Variants in PTPRB observed in about 807,000 individuals in gnomAD.
PTPRB encodes protein tyrosine phosphatase receptor type B.
Under a neutral mutation model 238.1 loss-of-function variants are expected in PTPRB, and 97 were observed. The ratio of observed to expected loss-of-function variants is 0.41; its 90% CI spans 0.35 to 0.48. PTPRB has a LOEUF of 0.48. Among genes scored for constraint, PTPRB ranks in the 20% least tolerant of loss-of-function variants. PTPRB has a pLI of 0.30. For missense variants in PTPRB, 2,292 were observed against 2,681.9 expected, an observed-to-expected ratio of 0.85 and a Z score of 3.21; for synonymous variants, 970 against 995.4, an observed-to-expected ratio of 0.97 and a Z score of 0.48.
chr12:70,518,983 G>T lies in PTPRB; in HGVS notation c.*2506C>A, dbSNP rs1465840979. ...TAAATCCAATAGAGCTGAATGTCAAGGAAAACTTTTTTTTTCTCCTAAATT... is the reference window on the plus strand; with the variant it reads ...TAAATCCAATAGAGCTGAATGTCAATGAAAACTTTTTTTTTCTCCTAAATT... On this transcript the variant is annotated 3_prime_UTR_variant, in exon 34 of 34. Coordinates refer to ENST00000334414, the MANE Select transcript of PTPRB (RefSeq NM_001109754.4). 6.6e-6 allele frequency: 1 copy of T among 151,704 alleles called. No homozygotes were observed. The highest frequency in any genetic ancestry group is 1.5e-5 in the Non-Finnish European group (1 of 67,956). 9.4% of individuals were successfully genotyped at this position (151,704 alleles called of 1,614,324 possible). A position where few individuals can be genotyped will look rare whatever the true frequency, so the allele number is the denominator to read the frequency against.
Position 70,608,912 on chromosome 12 carries a change from GATCCGAGGAAACCAGACATTTCTGTCAAT to G in PTPRB, c.979+128_979+156del. 4.6e-6 allele frequency: 5 copies of G among 1,084,224 alleles called. No individual in the cohort carries two copies. In the South Asian group the frequency reaches 8.2e-5, roughly 18 times the overall value. The allele number at this position is 1,084,224 out of a possible 1,614,324, so 67.2% of individuals were successfully genotyped here. On this transcript the variant is annotated intron_variant, in intron 4 of 33. Coordinates refer to ENST00000334414, the MANE Select transcript of PTPRB (RefSeq NM_001109754.4). The stretch of plus-strand genomic sequence containing the variant: ...AAGTCCACCAAGCTGCTTCTGGCTA[GATCCGAGGAAACCAGACATTTCTGTCAAT>G]ATTTATCTTCACAGGTATTTTTACC...
chr12:70,563,201 A>G, intron 15 of PTPRB, 94 bp from the exon 16 acceptor site: 2 of 1,196,388 alleles, frequency 1.7e-6, no homozygotes, highest in Non-Finnish European at 2.3e-6. Context: ...AGAAAGAGGA[A>G]GTTGGATTCA....
chr12:70,527,581 G>C (rs370347748), intron 32 of PTPRB: 1 of 152,160 alleles, frequency 6.6e-6, no homozygotes, highest in South Asian at 2.1e-4. Context: ...CTCCCTTAAT[G>C]TGTCTCTCAG....
At position 70,596,407 on chromosome 12, in the gene PTPRB, T is replaced by G. The variant is rs1007632580; in HGVS notation, c.980-80A>C. The G allele has an allele frequency of 1.5e-5, 19 of 1,265,328 alleles. No individual in the cohort carries two copies. The African/African-American group carries it at 2.7e-4, about 18-fold the overall frequency. The allele number at this position is 1,265,328 out of a possible 1,614,324, so 78.4% of individuals were successfully genotyped here. A position where few individuals can be genotyped will look rare whatever the true frequency, so the allele number is the denominator to read the frequency against. Reference sequence around the variant, plus strand: ...AAAAAGAACATGGCTTGAAGACTTTTGCAAATAACTGCTTATTTTACTGCA... The same window carrying G: ...AAAAAGAACATGGCTTGAAGACTTTGGCAAATAACTGCTTATTTTACTGCA... On this transcript the variant is annotated intron_variant, in intron 4 of 33. Coordinates refer to ENST00000334414, the MANE Select transcript of PTPRB (RefSeq NM_001109754.4).
intron 18 of PTPRB, among the ~76,000 whole-genome samples, chr12:70,557,353 C>T (rs1178352122): frequency 2.6e-5 from 4 of 152,134 alleles, no homozygotes; most frequent in African/African-American, 9.7e-5. Context: ...TTACCCATAG[C>T]CTCACCCGAT....
chr12:70,583,662 C>A (rs1242814459), intron 9 of PTPRB, among the ~76,000 whole-genome samples: 1 of 152,130 alleles, frequency 6.6e-6, no homozygotes, highest in Non-Finnish European at 1.5e-5. Context: ...TCTGAGAACT[C>A]ATAACCTTAA....
rs1170649760 is a variant in PTPRB at position 70,588,109 on chromosome 12, AAAAAG to A, written c.2051-847_2051-843del. On this transcript the variant is annotated intron_variant, in intron 8 of 33. Coordinates refer to ENST00000334414, the MANE Select transcript of PTPRB (RefSeq NM_001109754.4). ...AGACTCTGTCTCAAAAAAAAAAAAA[AAAAAG>A]AAAAGAAAAGAAAAGAAAAGAATAA... 5.4e-3 allele frequency among the ~76,000 whole-genome samples: 734 copies of A among 137,010 alleles called. 3 individuals are homozygous for A. Among genetic ancestry groups the A allele is most frequent in the African/African-American group, 0.016 (608 of 37,812 alleles). 89.9% of individuals were successfully genotyped at this position (137,010 alleles called of 152,430 possible).
At chr12:70,606,594 A>T (rs1883963754) in intron 4 of PTPRB, among the ~76,000 whole-genome samples, 1 of 152,198 alleles carries the variant, frequency 6.6e-6, no homozygotes, top group Non-Finnish European at 1.5e-5. Flanking sequence ...GATATTTTCA[A>T]TTACTTTTTT....
chr12:70,521,388 A>C lies in PTPRB; in HGVS notation c.*101T>G, dbSNP rs1429258060. 1.3e-6 allele frequency: 1 copy of C among 757,288 alleles called. No homozygotes were observed. Among genetic ancestry groups the C allele is most frequent in the African/African-American group, 1.8e-5 (1 of 55,656 alleles). The allele number at this position is 757,288 out of a possible 1,614,324, so 46.9% of individuals were successfully genotyped here. On this transcript the variant is annotated 3_prime_UTR_variant, in exon 34 of 34. Coordinates refer to ENST00000334414, the MANE Select transcript of PTPRB (RefSeq NM_001109754.4). ...TCCAGATTAATAAATTATACATAGT[A>C]TCAACAGAAATAGCTGGCACCTCTG...
intron 22 of PTPRB, among the ~76,000 whole-genome samples, chr12:70,544,124 G>A (rs1422916089): frequency 6.6e-6 from 1 of 152,082 alleles, no homozygotes; most frequent in Non-Finnish European, 1.5e-5. Context: ...AAAATCACCT[G>A]TATTTCCATT....
At chr12:70,625,634 T>C (rs982011054) in intron 2 of PTPRB, among the ~76,000 whole-genome samples, 2 of 152,172 alleles carry the variant, frequency 1.3e-5, no homozygotes, top group African/African-American at 4.8e-5. Context: ...TTGGATATTT[T>C]GTTATCCATG....
chr12:70,544,729 T>G, intron 21 of PTPRB, 66 bp from the exon 22 acceptor site: 1 of 1,128,814 alleles, frequency 8.9e-7, no homozygotes, highest in African/African-American at 1.6e-5. Context: ...AAAAATGTGT[T>G]CAAGGAGAAA....
At chr12:70,624,623 A>G (rs150955167) in intron 2 of PTPRB, among the ~76,000 whole-genome samples, 116 of 152,300 alleles carry the variant, frequency 7.6e-4, no homozygotes, top group Non-Finnish European at 1.3e-3. Flanking sequence ...GTAGGGATGT[A>G]AACATTTCTG....
chr12:70,532,191 A>C (rs762153549), intron 31 of PTPRB, 21 bp from the exon 32 acceptor site: 12 of 1,546,346 alleles, frequency 7.8e-6, no homozygotes, highest in Non-Finnish European at 9.6e-6. Context: ...TGGCAAAGGA[A>C]GATTGAGCCT....
intron 9 of PTPRB, among the ~76,000 whole-genome samples, chr12:70,582,260 A>G (rs1315140696): frequency 6.6e-6 from 1 of 152,198 alleles, no homozygotes; most frequent in Non-Finnish European, 1.5e-5. Flanking sequence ...GGATTAAGAT[A>G]CAAAAGCGTT....
At position 70,580,542 on chromosome 12, in the gene PTPRB, A is replaced by C. The variant is rs113169616; in HGVS notation, c.2578+494T>G. Among the ~76,000 whole-genome samples, 1,445 of 152,298 alleles carry C rather than the reference A, an allele frequency of 9.5e-3. 25 individuals carry two copies. Among genetic ancestry groups the C allele is most frequent in the African/African-American group, 0.033 (1,362 of 41,584 alleles). ...ATTGGAGATGTTAAAATATTCAGCC[A>C]GGAGTGGTGGCTCACGCCTGTAATC... is the stretch of plus-strand genomic sequence containing the variant. On this transcript the variant is annotated intron_variant, in intron 10 of 33. Transcript: ENST00000334414.
Position 70,560,899 on chromosome 12 carries a change from G to T in PTPRB, c.4204C>A (p.Arg1402=), listed in dbSNP as rs367593089. The T allele has an allele frequency of 1.2e-6, 2 of 1,613,448 alleles. No homozygotes were observed. The highest frequency in any genetic ancestry group is 2.2e-5 in the South Asian group (2 of 91,064). ...ASVSHLRGSN[R]NTTDSLWFNW... ...AACCAAAGGCTGTCTGTCGTGTTCC[G>T]ATTGGACCCCCTGAGATGACTCACA... The change falls in exon 17 of 34, where the codon CGG becomes AGG. Residue 1402 remains arginine (R), a synonymous_variant. Coordinates refer to ENST00000334414, the MANE Select transcript of PTPRB (RefSeq NM_001109754.4). This position sits in a 1 kb window ranked among gnomAD's most constrained non-coding sequence, Gnocchi z 4.2.
intron 9 of PTPRB, among the ~76,000 whole-genome samples, chr12:70,584,679 G>C (rs1881708579): frequency 6.6e-6 from 1 of 152,068 alleles, no homozygotes; most frequent in South Asian, 2.1e-4. Context: ...ATAAAAATGA[G>C]AGCTATATAA....
In PTPRB at chr12:70,569,804, A is replaced by G; in HGVS notation, c.3505T>C (p.Ser1169Pro). The G allele has an allele frequency of 6.2e-7, 1 of 1,613,948 alleles. No homozygotes were observed. The highest frequency in any genetic ancestry group is 8.5e-7 in the Non-Finnish European group (1 of 1,179,886). Residue 1169 changes from serine to proline, a missense_variant, in exon 14 of 34, where the codon TCT becomes CCT. Around this residue, in one of 4 missense-constraint regions of PTPRB, gnomAD observed 683 missense variants for 862.0 expected, o/e 0.79. Transcript: ENST00000334414. ...SAFRHSQKVD[S>P]QTIPKHVFEH... ...AAGACGTGCTTGGGAATAGTCTGAG[A>G]GTCAACCTTTTGACTGTGCCTGAAT...
Sources: gnomAD v4.1 joint callset for allele counts (sites outside exome capture counted in the v4.1 genomes callset) on GRCh38, gnomAD v4.1.1 for gene constraint, gnomAD v4.1.1 regional missense constraint, Gnocchi (gnomAD v3.1) non-coding constraint, MANE v1.5 for transcripts, NCBI Gene and HGNC (gene_info 2026-07-23, HGNC 2026-07-21) for gene names.